CCSER1: variants seen among roughly 807,000 people sequenced by gnomAD.
CCSER1 encodes coiled-coil serine rich protein 1.
CCSER1 carries 41 observed loss-of-function variants against 82.0 expected under a neutral mutation model. The observed-to-expected ratio is 0.50, with a 90% CI of 0.39 to 0.65. CCSER1 has a LOEUF of 0.65. Among genes scored for constraint, CCSER1 ranks in the 30% least tolerant of loss-of-function variants. The probability of loss-of-function intolerance (pLI) is 0.00; values close to 1 mark genes in which losing one functional copy is unlikely to be tolerated. For synonymous variants in CCSER1, 414 were observed against 383.9 expected (o/e 1.08, Z -0.92); for missense variants, 1,119 against 1,064.2 (o/e 1.05, Z -0.72).
At chr4:90,726,547 T>C (rs561782708) in intron 7 of CCSER1, among the ~76,000 whole-genome samples, 3 of 152,152 alleles carry the variant, frequency 2.0e-5, no homozygotes, top group East Asian at 3.9e-4. Flanking sequence ...CAAATGTTTA[T>C]TTTTTCCAAT....
chr4:90,222,720 AC>A (rs1223082039), intron 1 of CCSER1, among the ~76,000 whole-genome samples: 2 of 152,122 alleles, frequency 1.3e-5, no homozygotes, highest in African/African-American at 4.8e-5. Flanking sequence ...TTGCATGAAT[AC>A]CTTCCATAAT....
chr4:90,484,388 C>T (rs538419913), intron 5 of CCSER1, among the ~76,000 whole-genome samples: 1 of 152,170 alleles, frequency 6.6e-6, no homozygotes, highest in South Asian at 2.1e-4. Context: ...AGTCATTCTC[C>T]ATCCAGCTTT....
At chr4:91,161,873 A>T (rs1045352066) in intron 10 of CCSER1, among the ~76,000 whole-genome samples, 1 of 152,148 alleles carries the variant, frequency 6.6e-6, no homozygotes, top group Admixed American at 6.5e-5. Flanking sequence ...CAATCATGTC[A>T]TCTGCAAACA....
intron 10 of CCSER1, among the ~76,000 whole-genome samples, chr4:91,328,153 A>G (rs1746696297): frequency 1.3e-5 from 2 of 152,154 alleles, no homozygotes. Flanking sequence ...AGGTATCTTT[A>G]TAGCAAGACC....
chr4:90,697,394 AC>A (rs11350514), intron 6 of CCSER1, among the ~76,000 whole-genome samples: 68,331 of 151,904 alleles, frequency 0.45, 16,044 homozygotes, highest in African/African-American at 0.58. Context: ...AACATAAAAA[AC>A]CAATATTTCA....
chr4:90,535,760 A>C (rs1262226231), intron 5 of CCSER1, among the ~76,000 whole-genome samples: 1 of 152,170 alleles, frequency 6.6e-6, no homozygotes. Context: ...CACAGATGAC[A>C]TTGTAAAATG....
chr4:91,386,921 A>G (rs997248323), intron 10 of CCSER1, among the ~76,000 whole-genome samples: 1 of 152,062 alleles, frequency 6.6e-6, no homozygotes, highest in Non-Finnish European at 1.5e-5. Flanking sequence ...TGATAGAAAA[A>G]GAATGGATGA....
intron 9 of CCSER1, among the ~76,000 whole-genome samples, chr4:91,058,729 T>C (rs1029216455): frequency 6.6e-6 from 1 of 152,036 alleles, no homozygotes; most frequent in Non-Finnish European, 1.5e-5. Flanking sequence ...CCTAAACTTA[T>C]ATTATTTTAT....
chr4:90,199,667 A>G (rs1380076056), intron 1 of CCSER1, among the ~76,000 whole-genome samples: 9 of 152,300 alleles, frequency 5.9e-5, no homozygotes, highest in Admixed American at 6.5e-5. Context: ...ATCAGTGCTT[A>G]ATTAATCTGG....
intron 9 of CCSER1, among the ~76,000 whole-genome samples, chr4:90,990,021 A>G (rs1378775229): frequency 6.6e-6 from 1 of 151,878 alleles, no homozygotes; most frequent in Non-Finnish European, 1.5e-5. Flanking sequence ...TTACAACCAG[A>G]TGCGACCTTG....
chr4:90,649,974 T>C (rs1311978759), intron 6 of CCSER1, among the ~76,000 whole-genome samples: 1 of 152,030 alleles, frequency 6.6e-6, no homozygotes, highest in Non-Finnish European at 1.5e-5. Flanking sequence ...CCCAGCACTT[T>C]GGGAGGCCAA....
intron 1 of CCSER1, among the ~76,000 whole-genome samples, chr4:90,143,243 G>A (rs80007685): frequency 2.6e-5 from 4 of 151,986 alleles, no homozygotes; most frequent in Non-Finnish European, 5.9e-5. Flanking sequence ...CATTCCTGCC[G>A]TATTAAGCCA....
chr4:91,345,105 T>C (rs561917884), intron 10 of CCSER1, among the ~76,000 whole-genome samples: 1 of 152,240 alleles, frequency 6.6e-6, no homozygotes, highest in South Asian at 2.1e-4. Flanking sequence ...AAATCTTTAT[T>C]AGTGGCCTGG....
intron 7 of CCSER1, among the ~76,000 whole-genome samples, chr4:90,772,382 G>A (rs944496024): frequency 3.9e-5 from 6 of 152,038 alleles, no homozygotes; most frequent in Non-Finnish European, 8.8e-5. Context: ...TGATGAGTGA[G>A]AGACATAATA....
chr4:91,433,491 G>A (rs1754452001), intron 10 of CCSER1, among the ~76,000 whole-genome samples: 2 of 151,880 alleles, frequency 1.3e-5, no homozygotes, highest in African/African-American at 4.8e-5. Flanking sequence ...CAAGGCAAAT[G>A]CCCTCCCTAC....
At chr4:90,578,206 G>A (rs2148617485) in intron 5 of CCSER1, among the ~76,000 whole-genome samples, 1 of 152,254 alleles carries the variant, frequency 6.6e-6, no homozygotes, top group East Asian at 1.9e-4. Flanking sequence ...AATTACCACT[G>A]ATTTAATGGG....
intron 5 of CCSER1, among the ~76,000 whole-genome samples, chr4:90,503,250 A>C (rs749218106): frequency 2.6e-5 from 4 of 152,120 alleles, no homozygotes; most frequent in African/African-American, 7.2e-5. Context: ...CAAAGGGTAC[A>C]CCTTTACAAG....
chr4:90,234,217 T>A (rs1236600679), intron 1 of CCSER1, among the ~76,000 whole-genome samples: 1 of 151,550 alleles, frequency 6.6e-6, no homozygotes, highest in Admixed American at 6.6e-5. Flanking sequence ...TCTTATTCTT[T>A]TTTTTTTTTT....
At chr4:91,389,913 G>A (rs1751543998) in intron 10 of CCSER1, among the ~76,000 whole-genome samples, 1 of 151,940 alleles carries the variant, frequency 6.6e-6, no homozygotes, top group South Asian at 2.1e-4. Context: ...AGATGATTTT[G>A]TATATTATTT....
Sources: gnomAD v4.1 joint callset for allele counts (sites outside exome capture counted in the v4.1 genomes callset) on GRCh38, gnomAD v4.1.1 for gene constraint, MANE v1.5 for transcripts, NCBI Gene and HGNC (gene_info 2026-07-23, HGNC 2026-07-21) for gene names.